Variants in HERC6 observed in about 807,000 individuals in gnomAD.
HERC6 encodes probable E3 ubiquitin-protein ligase HERC6.
In HERC6, 101 loss-of-function variants were observed where a neutral mutation model predicts 114.5. The observed-to-expected ratio is 0.88, with a 90% CI of 0.75 to 1.04. The LOEUF (loss-of-function observed/expected upper bound fraction) is 1.04. Among genes scored for constraint, HERC6 ranks in the 50% least tolerant of loss-of-function variants. The probability of loss-of-function intolerance (pLI) is 0.00; values close to 1 mark genes in which losing one functional copy is unlikely to be tolerated. For missense variants in HERC6, 1,133 were observed against 1,230.9 expected, an observed-to-expected ratio of 0.92 and a Z score of 1.19; for synonymous variants, 408 against 436.2, an observed-to-expected ratio of 0.94 and a Z score of 0.81.
chr4:88,428,608 T>C lies in HERC6; in HGVS notation c.1964T>C (p.Met655Thr), dbSNP rs2148978021. ...QMSEKKAYML[M>T]HETILQKKDE... ...TCAGAAAAGAAAGCATACATGCTTATGCATGAAACAATTCTGCAAAAAAAG... is the reference window on the plus strand; with the variant it reads ...TCAGAAAAGAAAGCATACATGCTTACGCATGAAACAATTCTGCAAAAAAAG... Residue 655 changes from methionine to threonine, a missense_variant, in exon 16 of 23, where the codon ATG (methionine) becomes ACG (threonine). This residue lies in a region of HERC6 where 388 missense variants were observed against 445.9 expected (regional missense o/e 0.87). Coordinates refer to ENST00000264346, the MANE Select transcript of HERC6 (RefSeq NM_017912.4). 6.2e-7 allele frequency: 1 copy of C among 1,606,694 alleles called. No homozygotes were observed. Among genetic ancestry groups the C allele is most frequent in the African/African-American group, 1.3e-5 (1 of 74,776 alleles).
intron 13 of HERC6, among the ~76,000 whole-genome samples, chr4:88,420,689 T>G (rs1736954865): frequency 6.6e-6 from 1 of 152,214 alleles, no homozygotes; most frequent in African/African-American, 2.4e-5. Flanking sequence ...CCCAGCACTT[T>G]GGGAAGCTAG....
chr4:88,401,769 A>C (rs1437965760), intron 8 of HERC6, among the ~76,000 whole-genome samples: 1 of 152,190 alleles, frequency 6.6e-6, no homozygotes, highest in Non-Finnish European at 1.5e-5. Flanking sequence ...TAGGAAGAAA[A>C]GGAAGGGTTG....
In HERC6 at chr4:88,390,835, G is replaced by A. The variant is rs542363817; in HGVS notation, c.620G>A (p.Ser207Asn). 90 of 1,614,068 alleles carry A rather than the reference G, an allele frequency of 5.6e-5. 1 individual carries two copies. The South Asian group carries it at 9.1e-4, about 16-fold the overall frequency. The part of the protein sequence containing the change: ...SLCGTSFGWG[S>N]NSAGQLALSG... Reference sequence around the variant, plus strand: ...TGTGGGACTTCGTTTGGCTGGGGAAGTAACAGTGCCGGGCAGCTGGCCCTC... The same window carrying A: ...TGTGGGACTTCGTTTGGCTGGGGAAATAACAGTGCCGGGCAGCTGGCCCTC... Residue 207 changes from serine (S) to asparagine (N), a missense_variant, in exon 4 of 23, where the codon AGT becomes AAT. Coordinates refer to ENST00000264346, the MANE Select transcript of HERC6 (RefSeq NM_017912.4).
chr4:88,397,637 C>T (rs1735316317), intron 7 of HERC6, among the ~76,000 whole-genome samples: 1 of 151,720 alleles, frequency 6.6e-6, no homozygotes, highest in African/African-American at 2.4e-5. Flanking sequence ...GTGGAGGTTG[C>T]AGTGAGCCGA....
rs1181029430 is a variant in HERC6, at chr4:88,383,324, T to G, written c.303T>G (p.Ala101=). The change falls in exon 2 of 23, where the codon GCT becomes GCG. Residue 101 remains alanine (A), a synonymous_variant. Coordinates refer to ENST00000264346, the MANE Select transcript of HERC6 (RefSeq NM_017912.4). ...CHKGRVFAWG[A]GSEGQLGIGE... is the part of the protein sequence containing the mutation. ...AAGGAAGGGTCTTCGCATGGGGAGC[T>G]GGTTCTGAAGGGCAGCTGGGGATTG... The G allele has an allele frequency of 6.4e-7, 1 of 1,565,802 alleles. No homozygotes were observed. The highest frequency in any genetic ancestry group is 1.2e-5 in the South Asian group (1 of 84,462).
intron 11 of HERC6, among the ~76,000 whole-genome samples, chr4:88,412,657 T>G (rs1057375980): frequency 6.6e-6 from 1 of 152,172 alleles, no homozygotes; most frequent in African/African-American, 2.4e-5. Context: ...TCTCTGCAAA[T>G]TTTTCTACTG....
chr4:88,410,765 C>T (rs1017533747), intron 11 of HERC6, among the ~76,000 whole-genome samples: 4 of 152,078 alleles, frequency 2.6e-5, no homozygotes, highest in Non-Finnish European at 5.9e-5. Flanking sequence ...AATTTATAAA[C>T]CAACTTAATG....
Position 88,404,907 on chromosome 4 carries a change from C to G in HERC6, c.1124C>G (p.Thr375Ser). The G allele has an allele frequency of 6.2e-7, 1 of 1,613,760 alleles. No homozygotes were observed. The highest frequency in any genetic ancestry group is 2.2e-5 in the East Asian group (1 of 44,878). The change falls in exon 9 of 23, where the codon ACC becomes AGC. Residue 375 changes from threonine to serine, a missense_variant. Physicochemically the swap from Thr to Ser is moderately conservative, Grantham distance 58. Transcript: ENST00000264346. ...AGTTCCACACGTGCTCCCGGGAAAA[C>G]CCTGCCAGAAATAAGCCGAATTAGC... Reference protein sequence around the residue: ...DTSSTRAPGKTLPEISRISQS... With the variant: ...DTSSTRAPGKSLPEISRISQS...
In HERC6 at chr4:88,383,267, C is replaced by T. The variant is rs561402861; in HGVS notation, c.246C>T (p.Cys82=). 123 of 1,606,574 alleles carry T rather than the reference C, an allele frequency of 7.7e-5. No homozygotes were observed. The Admixed American group carries it at 1.4e-3, about 18-fold the overall frequency. ...CCCTAATTGTTGATCTCGTGAGCTG[C>T]GGGAAGGAGCACTCCCTGGCTGTGT... ...LETLIVDLVS[C]GKEHSLAVCH... Residue 82 remains cysteine, a synonymous_variant, in exon 2 of 23, where the codon TGC becomes TGT. Coordinates refer to ENST00000264346, the MANE Select transcript of HERC6 (RefSeq NM_017912.4).
chr4:88,384,689 T>C (rs569287915), intron 2 of HERC6, among the ~76,000 whole-genome samples: 2 of 152,282 alleles, frequency 1.3e-5, no homozygotes, highest in East Asian at 3.9e-4. Context: ...TCATAACTAT[T>C]TGACCTCTTT....
chr4:88,426,167 CTATTAT>C (rs1158748587), intron 15 of HERC6, among the ~76,000 whole-genome samples: 1 of 151,944 alleles, frequency 6.6e-6, no homozygotes, highest in African/African-American at 2.4e-5. Flanking sequence ...CCTCTAGTTC[CTATTAT>C]TATTATTATT....
At position 88,413,197 on chromosome 4, in the gene HERC6, T is replaced by C. The variant is rs751262685; in HGVS notation, c.1489T>C (p.Trp497Arg). 4.3e-6 allele frequency: 7 copies of C among 1,613,302 alleles called. No homozygotes were observed. In the Admixed American group the frequency reaches 8.4e-5, roughly 19 times the overall value. The change falls in exon 12 of 23, where the codon TGG becomes CGG. Residue 497 changes from tryptophan (W) to arginine (R), a missense_variant. Trp to Arg is a moderately radical substitution (Grantham distance 101). Around this residue, in one of 3 missense-constraint regions of HERC6, gnomAD observed 735 missense variants for 754.0 expected, o/e 0.97. Coordinates refer to ENST00000264346, the MANE Select transcript of HERC6 (RefSeq NM_017912.4). ...ECPVMHDSKN[W>R]KNLVVPFAKA... ...TCCTGTGATGCATGATTCTAAGAACTGGAAGAACCTGGTGGTTCCATTTGC... is the reference window on the plus strand; with the variant it reads ...TCCTGTGATGCATGATTCTAAGAACCGGAAGAACCTGGTGGTTCCATTTGC...
chr4:88,437,482 A>G (rs1453576451), intron 19 of HERC6, among the ~76,000 whole-genome samples: 1 of 152,228 alleles, frequency 6.6e-6, no homozygotes, highest in Non-Finnish European at 1.5e-5. Context: ...AGTGTAAATA[A>G]TTTAACAACT....
chr4:88,393,079 G>A (rs1735005154), intron 4 of HERC6, among the ~76,000 whole-genome samples: 1 of 151,990 alleles, frequency 6.6e-6, no homozygotes. Context: ...ACAACAGATG[G>A]CAGTAGTATC....
chr4:88,413,658 GTAT>G (rs1317281334), intron 12 of HERC6, among the ~76,000 whole-genome samples: 3 of 152,052 alleles, frequency 2.0e-5, no homozygotes, highest in Non-Finnish European at 2.9e-5. Context: ...GTTAAACTTT[GTAT>G]TATTATTATT....
chr4:88,379,623 A>AAT (rs202065455), intron 1 of HERC6, among the ~76,000 whole-genome samples: 3,165 of 125,882 alleles, frequency 0.025, 256 homozygotes, highest in East Asian at 0.15. Flanking sequence ...GGCATTAAAA[A>AAT]ATATATATAT....
intron 1 of HERC6, among the ~76,000 whole-genome samples, chr4:88,379,779 A>T (rs1383890296): frequency 1.7e-5 from 1 of 59,044 alleles, no homozygotes; most frequent in East Asian, 4.1e-4. Flanking sequence ...ATATAAATAT[A>T]TATATAACAT....
intron 13 of HERC6, among the ~76,000 whole-genome samples, chr4:88,419,333 C>T (rs764048516): frequency 1.3e-5 from 2 of 152,088 alleles, no homozygotes; most frequent in Non-Finnish European, 2.9e-5. Flanking sequence ...AGTCACTGGG[C>T]GTGGTTACAT....
chr4:88,414,400 A>C (rs979524490), intron 12 of HERC6, among the ~76,000 whole-genome samples: 3 of 152,040 alleles, frequency 2.0e-5, no homozygotes, highest in African/African-American at 7.2e-5. Context: ...ACTTGAGCCC[A>C]GGAGTTTAAG....
Sources: gnomAD v4.1 joint callset for allele counts (sites outside exome capture counted in the v4.1 genomes callset) on GRCh38, gnomAD v4.1.1 for gene constraint, gnomAD v4.1.1 regional missense constraint, MANE v1.5 for transcripts, NCBI Gene and HGNC (gene_info 2026-07-23, HGNC 2026-07-21) for gene names.